The following MDGA2 variants were observed in gnomAD, a reference collection of about 807,000 sequenced individuals.
The protein encoded by MDGA2 is MAM domain containing glycosylphosphatidylinositol anchor 2.
Under a neutral mutation model 117.8 loss-of-function variants are expected in MDGA2, and 40 were observed. The ratio of observed to expected loss-of-function variants is 0.34; its 90% confidence interval spans 0.26 to 0.44. The LOEUF is 0.44. Ranked by LOEUF, MDGA2 falls within the 20% of genes least tolerant of loss-of-function variation. The probability of loss-of-function intolerance (pLI) is 1.00; values close to 1 mark genes in which losing one functional copy is unlikely to be tolerated. For synonymous variants in MDGA2, 452 were observed against 439.0 expected, an observed-to-expected ratio of 1.03 and a Z score of -0.37; for missense variants, 1,123 against 1,250.6, an observed-to-expected ratio of 0.90 and a Z score of 1.54.
chr14:47,483,823 A>G lies in MDGA2; in HGVS notation c.281-182273T>C, dbSNP rs184840409. Among the ~76,000 whole-genome samples the G allele has an allele frequency of 4.6e-5, 7 of 152,262 alleles. No individual in the cohort carries two copies. The East Asian group carries it at 9.7e-4, about 21-fold the overall frequency. ...AGTAGTTATTGAGTCTCCATTTTCT[A>G]AACAGCATGATATTATAAAGACAAG... On this transcript the variant is annotated intron_variant, in intron 1 of 16. Transcript: ENST00000399232.
chr14:47,216,147 G>A (rs1322083259), intron 3 of MDGA2, among the ~76,000 whole-genome samples: 2 of 152,056 alleles, frequency 1.3e-5, no homozygotes, highest in Non-Finnish European at 2.9e-5. Flanking sequence ...CTGCAGACTA[G>A]CAATGAAAAA....
chr14:46,984,319 G>C (rs1594494260), intron 8 of MDGA2, among the ~76,000 whole-genome samples: 1 of 151,912 alleles, frequency 6.6e-6, no homozygotes, highest in Non-Finnish European at 1.5e-5. Flanking sequence ...AAATACGGAA[G>C]CATTCATTTT....
rs1002266497 is a variant in MDGA2, at chr14:47,666,821, A to T, written c.280+7696T>A. 2.0e-5 allele frequency among the ~76,000 whole-genome samples: 3 copies of T among 152,252 alleles called. 1 individual carries two copies. Among genetic ancestry groups the T allele is most frequent in the African/African-American group, 7.2e-5 (3 of 41,548 alleles). ...TTATGAGCTATAACACTCACTGCGA[A>T]GGTCTACACAGCTTCACTCCTGAAG... is the stretch of plus-strand genomic sequence containing the variant. On this transcript the variant is annotated intron_variant, in intron 1 of 16. Coordinates refer to ENST00000399232, the MANE Select transcript of MDGA2 (RefSeq NM_001113498.3).
At chr14:47,254,656 C>T (rs1283207503) in intron 2 of MDGA2, among the ~76,000 whole-genome samples, 1 of 152,170 alleles carries the variant, frequency 6.6e-6, no homozygotes, top group Non-Finnish European at 1.5e-5. Flanking sequence ...CCCACATTTT[C>T]CTACTTATTC....
intron 1 of MDGA2, among the ~76,000 whole-genome samples, chr14:47,595,557 CA>C (rs1162012490): frequency 6.8e-4 from 94 of 138,040 alleles, no homozygotes; most frequent in South Asian, 1.4e-3. Flanking sequence ...CAAAAAAAAA[CA>C]AAAAAAAAAA....
intron 9 of MDGA2, among the ~76,000 whole-genome samples, chr14:46,928,072 C>G (rs1351374601): frequency 2.0e-5 from 3 of 152,042 alleles, no homozygotes; most frequent in Non-Finnish European, 2.9e-5. Flanking sequence ...ATTATGATTT[C>G]TCTTGTAGGT....
chr14:47,651,406 ACTGTATCT>A (rs1307739941), intron 1 of MDGA2, among the ~76,000 whole-genome samples: 2 of 152,124 alleles, frequency 1.3e-5, no homozygotes, highest in Non-Finnish European at 2.9e-5. Context: ...AATAAAAATC[ACTGTATCT>A]CCACCACAGT....
chr14:47,561,179 G>GTTTTTTTTTTTTTTTTTTTTTT (rs1299123339), intron 1 of MDGA2, among the ~76,000 whole-genome samples: 5 of 71,620 alleles, frequency 7.0e-5, no homozygotes, highest in Admixed American at 1.7e-4. Flanking sequence ...TTGTTTGTTT[G>GTTTTTTTTTTTTTTTTTTTTTT]TTTTTTTTTG....
chr14:47,275,783 A>G (rs1888292864), intron 2 of MDGA2, among the ~76,000 whole-genome samples: 1 of 152,104 alleles, frequency 6.6e-6, no homozygotes, highest in Non-Finnish European at 1.5e-5. Context: ...TGAAGCAGAG[A>G]AGCGCCCGAT....
intron 3 of MDGA2, among the ~76,000 whole-genome samples, chr14:47,175,117 A>G (rs1237069601): frequency 6.6e-6 from 1 of 151,754 alleles, no homozygotes; most frequent in Admixed American, 6.6e-5. Flanking sequence ...TGAATCTCTG[A>G]ATAGACCAAT....
intron 3 of MDGA2, among the ~76,000 whole-genome samples, chr14:47,189,556 T>C (rs1381887374): frequency 6.6e-6 from 1 of 152,152 alleles, no homozygotes; most frequent in African/African-American, 2.4e-5. Context: ...TCTGAATCCA[T>C]TTACTTTTCC....
intron 8 of MDGA2, among the ~76,000 whole-genome samples, chr14:47,000,334 T>C (rs1300039842): frequency 2.3e-5 from 1 of 43,736 alleles, no homozygotes; most frequent in Non-Finnish European, 5.9e-5. Context: ...TATATATATT[T>C]ATATATATAT....
At chr14:47,320,865 TAAAGTTAGGGG>T in intron 1 of MDGA2, among the ~76,000 whole-genome samples, 1 of 152,246 alleles carries the variant, frequency 6.6e-6, no homozygotes, top group East Asian at 1.9e-4. Flanking sequence ...GTGTTTGCCC[TAAAGTTAGGGG>T]AAATCTATCA....
chr14:47,604,645 G>C (rs911601206), intron 1 of MDGA2, among the ~76,000 whole-genome samples: 1 of 151,796 alleles, frequency 6.6e-6, no homozygotes, highest in Admixed American at 6.6e-5. Flanking sequence ...CTTCAATCTT[G>C]GTTTTACTCT....
chr14:47,516,407 C>A (rs1894751805), intron 1 of MDGA2, among the ~76,000 whole-genome samples: 1 of 152,144 alleles, frequency 6.6e-6, no homozygotes, highest in African/African-American at 2.4e-5. Context: ...TTCCTTTGAA[C>A]TTATTCTTAG....
chr14:47,444,264 G>T (rs1217651205), intron 1 of MDGA2: 1 of 164,986 alleles, frequency 6.1e-6, no homozygotes, highest in Non-Finnish European at 1.3e-5. Flanking sequence ...CATCGAAGTT[G>T]AGGCTAATCA....
chr14:47,322,822 T>C (rs1028228523), intron 1 of MDGA2, among the ~76,000 whole-genome samples: 1 of 152,086 alleles, frequency 6.6e-6, no homozygotes, highest in Non-Finnish European at 1.5e-5. Context: ...AAAGCCAAAA[T>C]ACAAATGCAG....
chr14:46,951,724 G>A (rs533307223), intron 9 of MDGA2, among the ~76,000 whole-genome samples: 30 of 151,992 alleles, frequency 2.0e-4, no homozygotes, highest in Non-Finnish European at 2.9e-5. Context: ...TTCCCCAGTT[G>A]AGCGTCTAGA....
chr14:47,483,142 G>A (rs1893988817), intron 1 of MDGA2, among the ~76,000 whole-genome samples: 1 of 151,978 alleles, frequency 6.6e-6, no homozygotes, highest in Non-Finnish European at 1.5e-5. Flanking sequence ...AGAAACATCA[G>A]TTGGAGTATC....
Sources: allele counts gnomAD v4.1 joint callset (sites outside exome capture counted in the v4.1 genomes callset), GRCh38; gene constraint gnomAD v4.1.1; transcripts MANE v1.5; gene names NCBI Gene and HGNC (gene_info 2026-07-23, HGNC 2026-07-21).